MICAL3: variants seen among roughly 807,000 people sequenced by gnomAD.
The protein encoded by MICAL3 is microtubule associated monooxygenase, calponin and LIM domain containing 3, also known as [F-actin]-monooxygenase MICAL3.
In MICAL3, 62 loss-of-function variants were observed where a neutral mutation model predicts 207.4. The ratio of observed to expected loss-of-function variants is 0.30; its 90% CI spans 0.24 to 0.37. The LOEUF (loss-of-function observed/expected upper bound fraction) is 0.37, where lower values mean the gene tolerates loss of function less well. Among genes scored for constraint, MICAL3 ranks in the 10% least tolerant of loss-of-function variants. The pLI, the probability that MICAL3 is intolerant of heterozygous loss-of-function variation, is 1.00. For missense variants in MICAL3, 2,368 were observed against 2,635.6 expected, an observed-to-expected ratio of 0.90 and a Z score of 2.22; for synonymous variants, 1,077 against 1,069.3, an observed-to-expected ratio of 1.01 and a Z score of -0.14.
chr22:18,021,326 AC>A (rs1382772937), intron 1 of MICAL3, among the ~76,000 whole-genome samples: 3 of 152,194 alleles, frequency 2.0e-5, no homozygotes, highest in Non-Finnish European at 4.4e-5. Flanking sequence ...CCTTGAGGTG[AC>A]CTGTCAGGAA....
At chr22:17,870,928 A>T (rs1340128965) in intron 17 of MICAL3, among the ~76,000 whole-genome samples, 1 of 152,176 alleles carries the variant, frequency 6.6e-6, no homozygotes, top group Non-Finnish European at 1.5e-5. Context: ...AGCTGAAGTG[A>T]CTAGGTCCTA....
chr22:17,934,208 A>G (rs1448528302), intron 1 of MICAL3, among the ~76,000 whole-genome samples: 1 of 152,250 alleles, frequency 6.6e-6, no homozygotes, highest in Non-Finnish European at 1.5e-5. Flanking sequence ...AAAATCCTCA[A>G]TAAAATACTG....
intron 29 of MICAL3, among the ~76,000 whole-genome samples, chr22:17,794,086 C>T (rs965118450): frequency 6.6e-5 from 10 of 152,128 alleles, no homozygotes; most frequent in South Asian, 4.1e-4. Context: ...ACAGAGGGGG[C>T]GGGGGGCCAG....
At chr22:17,965,216 T>C (rs1935094479) in intron 1 of MICAL3, among the ~76,000 whole-genome samples, 1 of 150,578 alleles carries the variant, frequency 6.6e-6, no homozygotes, top group South Asian at 2.1e-4. Context: ...AAGGGAACTA[T>C]TTCTGTGCCT....
chr22:17,884,291 G>T, intron 16 of MICAL3: 1 of 1,590,022 alleles, frequency 6.3e-7, no homozygotes, highest in Non-Finnish European at 8.5e-7. Flanking sequence ...CCACCGGGGG[G>T]TGGGGGCAGG....
rs190174685 is a variant in MICAL3, at chr22:17,843,088, T to A, written c.2606-1071A>T. Among the ~76,000 whole-genome samples the A allele has an allele frequency of 1.2e-4, 15 of 120,416 alleles. No homozygotes were observed. The Admixed American group carries it at 1.5e-3, about 12-fold the overall frequency. The allele number at this position is 120,416 out of a possible 152,430, so 79.0% of individuals were successfully genotyped here. A position where few individuals can be genotyped will look rare whatever the true frequency, so the allele number is the denominator to read the frequency against. On this transcript the variant is annotated intron_variant, in intron 19 of 31. Coordinates refer to ENST00000441493, the MANE Select transcript of MICAL3 (RefSeq NM_015241.3). ...GTGAACCGAGATTGCGCCACTGCACTCCAGCCTGGGTGACAAAGCGAGACT... is the reference window on the plus strand; with the variant it reads ...GTGAACCGAGATTGCGCCACTGCACACCAGCCTGGGTGACAAAGCGAGACT...
At position 17,818,944 on chromosome 22, in the gene MICAL3, T is replaced by G; in HGVS notation, c.3717A>C (p.Pro1239=). The change falls in exon 26 of 32, where the codon CCA becomes CCC. Residue 1239 remains proline, a synonymous_variant. Coordinates refer to ENST00000441493, the MANE Select transcript of MICAL3 (RefSeq NM_015241.3). The stretch of plus-strand genomic sequence containing the variant: ...CGGGTGGCTGGGGCTGCGGGCTCCC[T>G]GGTGAGACAGGAGTCCTAGCTTCTG... ...TLPEARTPVS[P]GSPQPQPPVA... The G allele has an allele frequency of 6.3e-7, 1 of 1,594,854 alleles. No individual in the cohort carries two copies. The highest frequency in any genetic ancestry group is 1.3e-5 in the African/African-American group (1 of 74,402).
chr22:17,855,195 G>C (rs898104330), intron 19 of MICAL3, among the ~76,000 whole-genome samples: 1 of 152,186 alleles, frequency 6.6e-6, no homozygotes, highest in Admixed American at 6.5e-5. Flanking sequence ...ATCACTTTAC[G>C]TGTGAGTTCA....
chr22:17,858,527 TCGGGGAGCACTTGTGGGAC>T (rs1926172541), intron 19 of MICAL3: 1 of 966,204 alleles, frequency 1.0e-6, no homozygotes, highest in Admixed American at 6.2e-5. Flanking sequence ...TGTTTTTATC[TCGGGGAGCACTTGTGGGAC>T]CGGGTCCTAT....
intron 29 of MICAL3, among the ~76,000 whole-genome samples, chr22:17,797,297 T>TC (rs2061886685): frequency 2.0e-5 from 3 of 152,054 alleles, no homozygotes; most frequent in African/African-American, 7.2e-5. Context: ...ACCCAGGAGT[T>TC]CGAGACCAGC....
chr22:17,916,292 C>A (rs1932513052), intron 1 of MICAL3, among the ~76,000 whole-genome samples: 1 of 152,094 alleles, frequency 6.6e-6, no homozygotes, highest in African/African-American at 2.4e-5. Flanking sequence ...GCTTCTGATC[C>A]TGTCCCCGTT....
intron 17 of MICAL3, among the ~76,000 whole-genome samples, chr22:17,869,682 A>G (rs1927517418): frequency 2.0e-5 from 3 of 152,232 alleles, no homozygotes; most frequent in African/African-American, 7.2e-5. Context: ...TGGAGTTGGC[A>G]GCAGGCCTGG....
chr22:17,836,059 C>A (rs542632582), intron 20 of MICAL3, among the ~76,000 whole-genome samples: 1 of 152,104 alleles, frequency 6.6e-6, no homozygotes, highest in South Asian at 2.1e-4. Context: ...CAGTTTATAC[C>A]CAGCTACTCA....
chr22:17,810,818 A>G lies in MICAL3; in HGVS notation c.5446-5T>C, dbSNP rs757919391. The G allele has an allele frequency of 1.3e-5, 21 of 1,611,926 alleles. No individual in the cohort carries two copies. The highest frequency in any genetic ancestry group is 1.7e-5 in the Non-Finnish European group (20 of 1,178,130). ...CTCCTCCGTGTAGGTTCTTGGCTGG[A>G]GAGAACAAGAGAAACTTCCTCAGTC... On this transcript the variant is annotated splice_polypyrimidine_tract_variant and splice_region_variant and intron_variant, in intron 27 of 31. Coordinates refer to ENST00000441493, the MANE Select transcript of MICAL3 (RefSeq NM_015241.3).
chr22:17,930,801 C>T (rs74966936), intron 1 of MICAL3, among the ~76,000 whole-genome samples: 6,663 of 152,328 alleles, frequency 0.044, 208 homozygotes, highest in Non-Finnish European at 0.063. Context: ...AAGCAGTGGC[C>T]ATGAGGTGAA....
At chr22:17,976,576 TATATATATA>T (rs1569154144) in intron 1 of MICAL3, among the ~76,000 whole-genome samples, 6 of 98,002 alleles carry the variant, frequency 6.1e-5, no homozygotes, top group African/African-American at 2.3e-4. Flanking sequence ...TATATATATA[TATATATATA>T]TATATTTTTT....
chr22:17,986,771 A>G (rs1324813603), intron 1 of MICAL3, among the ~76,000 whole-genome samples: 3 of 152,230 alleles, frequency 2.0e-5, no homozygotes, highest in Non-Finnish European at 4.4e-5. Context: ...AATATGCATC[A>G]GACACTTCCC....
intron 29 of MICAL3, chr22:17,803,692 C>T (rs1264042781): frequency 9.4e-6 from 3 of 320,356 alleles, no homozygotes; most frequent in African/African-American, 6.7e-5. Flanking sequence ...AGGGTCTGTG[C>T]TTTTGCCATT....
In MICAL3 at chr22:17,817,861, C is replaced by G; in HGVS notation, c.4800G>C (p.Arg1600Ser). ...KELAEERMRA[R>S]EKSVKSQALR... Reference sequence around the variant, plus strand: ...GCGCCTGGCTCTTCACGGACTTCTCCCTGGCTCGCATGCGCTCCTCGGCCA... The same window carrying G: ...GCGCCTGGCTCTTCACGGACTTCTCGCTGGCTCGCATGCGCTCCTCGGCCA... Residue 1600 changes from arginine (R) to serine (S), a missense_variant, in exon 26 of 32, where the codon AGG becomes AGC. Physicochemically the swap from Arg to Ser is moderately radical, Grantham distance 110 (BLOSUM62 -1). Around this residue, in one of 4 missense-constraint regions of MICAL3, gnomAD observed 1,770 missense variants for 1,863.2 expected, o/e 0.95. Transcript: ENST00000441493. 1 of 1,612,332 alleles carries G rather than the reference C, an allele frequency of 6.2e-7. No homozygotes were observed. The highest frequency in any genetic ancestry group is 1.1e-5 in the South Asian group (1 of 91,062).
Sources: gnomAD v4.1 joint callset for allele counts (sites outside exome capture counted in the v4.1 genomes callset) on GRCh38, gnomAD v4.1.1 for gene constraint, gnomAD v4.1.1 regional missense constraint, MANE v1.5 for transcripts, NCBI Gene and HGNC (gene_info 2026-07-23, HGNC 2026-07-21) for gene names.